Variants in GNS observed in about 807,000 individuals in gnomAD.
GNS encodes the protein N-acetylglucosamine-6-sulfatase.
GNS carries 40 observed loss-of-function variants against 69.7 expected under a neutral mutation model. The observed-to-expected ratio is 0.57, with a 90% CI of 0.45 to 0.75. GNS has a LOEUF of 0.75. Among genes scored for constraint, GNS ranks in the 30% least tolerant of loss-of-function variants. The pLI is 0.00. For missense variants in GNS, 565 were observed against 685.5 expected (o/e 0.82, Z 1.96); for synonymous variants, 243 against 251.6 (o/e 0.97, Z 0.32).
In GNS at chr12:64,722,028, CT is replaced by C. The variant is rs879925471; in HGVS notation, c.1309-324del. On this transcript the variant is annotated intron_variant, in intron 11 of 13. Transcript: ENST00000258145. ...AGAAATCAACTCAAATGACTCCTTT[CT>C]TTTTTTTTTTTTGCGATGGAGTTTT... 2.2e-3 allele frequency among the ~76,000 whole-genome samples: 319 copies of C among 142,868 alleles called. No individual in the cohort carries two copies. Among genetic ancestry groups the C allele is most frequent in the Non-Finnish European group, 2.0e-3 (129 of 64,818 alleles). 93.7% of individuals were successfully genotyped at this position (142,868 alleles called of 152,430 possible).
chr12:64,743,517 C>G (rs1341265436), intron 5 of GNS, among the ~76,000 whole-genome samples: 1 of 152,104 alleles, frequency 6.6e-6, no homozygotes, highest in African/African-American at 2.4e-5. Flanking sequence ...GAGAAGCATA[C>G]CAACATAAGA....
In GNS at chr12:64,758,309, C is replaced by CTTTTTT. The variant is rs139394351; in HGVS notation, c.192+770_192+775dup. ...CCTACCAGATTAGTTCACTTCAGGC[C>CTTTTTT]TTTTTTTTTTTTTTTTTTTTTTTTT... On this transcript the variant is annotated intron_variant, in intron 1 of 13. Coordinates refer to ENST00000258145, the MANE Select transcript of GNS (RefSeq NM_002076.4). Among the ~76,000 whole-genome samples the CTTTTTT allele has an allele frequency of 3.3e-4, 22 of 67,410 alleles. 2 individuals are homozygous for CTTTTTT. The highest frequency in any genetic ancestry group is 5.7e-4 in the Non-Finnish European group (21 of 36,616). 44.2% of individuals were successfully genotyped at this position (67,410 alleles called of 152,430 possible).
At chr12:64,727,442 C>G (rs533175222) in intron 10 of GNS, among the ~76,000 whole-genome samples, 1 of 152,092 alleles carries the variant, frequency 6.6e-6, no homozygotes, top group East Asian at 1.9e-4. Context: ...ATCTCAAAAA[C>G]AAACAAAACC....
intron 1 of GNS, among the ~76,000 whole-genome samples, chr12:64,758,309 CTTTTTTTTTTTTTTTTTTTTTTTTT>C (rs139394351): frequency 1.5e-5 from 1 of 67,368 alleles, no homozygotes; most frequent in Non-Finnish European, 2.7e-5. Context: ...CACTTCAGGC[CTTTTTTTTTTTTTTTTTTTTTTTTT>C]TTTTTTGGAG....
chr12:64,720,309 TG>T, intron 12 of GNS, 127 bp from the exon 13 acceptor site: 5 of 705,528 alleles, frequency 7.1e-6, no homozygotes, highest in Non-Finnish European at 1.0e-5. Context: ...ATCAAGGCCC[TG>T]GAGACTCTCA....
At chr12:64,743,382 T>G in intron 5 of GNS, 74 bp from the exon 6 acceptor site, 1 of 1,064,040 alleles carries the variant, frequency 9.4e-7, no homozygotes, top group South Asian at 1.3e-5. Context: ...TGTCTTCTGG[T>G]GAGCAGACAG....
At chr12:64,754,764 C>T (rs1386898018) in intron 1 of GNS, among the ~76,000 whole-genome samples, 1 of 151,882 alleles carries the variant, frequency 6.6e-6, no homozygotes, top group East Asian at 1.9e-4. Context: ...TAGTGCATGC[C>T]CGTAGTCCCA....
chr12:64,727,026 T>G (rs918339228), intron 10 of GNS, among the ~76,000 whole-genome samples: 1 of 151,634 alleles, frequency 6.6e-6, no homozygotes, highest in East Asian at 1.9e-4. Flanking sequence ...TAACCACCAA[T>G]AGTCAGCAGG....
chr12:64,734,890 C>G (rs1415069215), intron 9 of GNS, among the ~76,000 whole-genome samples: 2 of 152,172 alleles, frequency 1.3e-5, no homozygotes, highest in Non-Finnish European at 1.5e-5. Context: ...ATCATGAGGT[C>G]AGGAGATCTA....
chr12:64,737,309 A>T (rs559585451), intron 8 of GNS, among the ~76,000 whole-genome samples: 1 of 152,234 alleles, frequency 6.6e-6, no homozygotes, highest in Non-Finnish European at 1.5e-5. Flanking sequence ...TAAACAAATG[A>T]CTAGAAGGGA....
chr12:64,739,482 G>A lies in GNS; in HGVS notation c.893C>T (p.Ser298Leu). 1 of 1,596,182 alleles carries A rather than the reference G, an allele frequency of 6.3e-7. No homozygotes were observed. The highest frequency in any genetic ancestry group is 8.6e-7 in the Non-Finnish European group (1 of 1,165,284). ...CAGTTTCTCCACAAGGTCATCAACT[G>A]AGAGGAGAGTTTGCCACCTGGATGT... is the stretch of plus-strand genomic sequence containing the variant. ...AFRKRWQTLL[S>L]VDDLVEKLVK... Residue 298 changes from serine (S) to leucine (L), a missense_variant, in exon 8 of 14, where the codon TCA becomes TTA. Around this residue, in one of 2 missense-constraint regions of GNS, gnomAD observed 384 missense variants for 511.0 expected, o/e 0.75. Transcript: ENST00000258145.
chr12:64,745,976 C>A, intron 3 of GNS: 2 of 527,622 alleles, frequency 3.8e-6, no homozygotes, highest in Non-Finnish European at 6.8e-6. Flanking sequence ...AAGAATTTAA[C>A]AATTTTAAAA....
Position 64,759,300 on chromosome 12 carries a change from CCGGGA to C in GNS, c.-29_-25del, listed in dbSNP as rs559286032. The C allele has an allele frequency of 1.2e-5, 17 of 1,467,576 alleles. No homozygotes were observed. The highest frequency in any genetic ancestry group is 1.4e-5 in the Non-Finnish European group (16 of 1,105,532). The allele number at this position is 1,467,576 out of a possible 1,614,324, so 90.9% of individuals were successfully genotyped here. On this transcript the variant is annotated 5_prime_UTR_variant, in exon 1 of 14. Transcript: ENST00000258145. ...ATAGCGGACAGGCTCCGGGGTGACC[CCGGGA>C]CGGGACGGGACGGAGGGACGCACAG...
At chr12:64,731,231 G>T (rs1332378221) in intron 9 of GNS, among the ~76,000 whole-genome samples, 1 of 152,182 alleles carries the variant, frequency 6.6e-6, no homozygotes, top group Non-Finnish European at 1.5e-5. Flanking sequence ...TACACACCAT[G>T]ATGCCCAGCT....
chr12:64,736,685 T>C (rs905806642), intron 9 of GNS, among the ~76,000 whole-genome samples: 1 of 152,236 alleles, frequency 6.6e-6, no homozygotes, highest in Non-Finnish European at 1.5e-5. Flanking sequence ...ATTTTTCTTC[T>C]TCAGTTTCGG....
intron 11 of GNS, 58 bp from the exon 12 acceptor site, chr12:64,721,763 AG>A: frequency 1.1e-6 from 1 of 917,432 alleles, no homozygotes; most frequent in Non-Finnish European, 1.8e-6. Context: ...ACAAATACCT[AG>A]TTGCCTAGAA....
At chr12:64,755,967 A>G (rs1870239114) in intron 1 of GNS, among the ~76,000 whole-genome samples, 1 of 152,166 alleles carries the variant, frequency 6.6e-6, no homozygotes, top group African/African-American at 2.4e-5. Flanking sequence ...GCGCCCGGCC[A>G]TGAATTATTT....
rs200945342 is a variant in GNS at position 64,744,775 on chromosome 12, G to A, written c.624+34C>T. The A allele has an allele frequency of 9.1e-5, 87 of 951,272 alleles. No individual in the cohort carries two copies. The East Asian group carries it at 2.1e-3, about 23-fold the overall frequency. The allele number at this position is 951,272 out of a possible 1,614,324, so 58.9% of individuals were successfully genotyped here. ...CTTCAATCAAATGTGAGCCAACCCT[G>A]TAAGGACAGAGCTACAAAGCTTCTG... On this transcript the variant is annotated intron_variant, in intron 5 of 13. Coordinates refer to ENST00000258145, the MANE Select transcript of GNS (RefSeq NM_002076.4).
chr12:64,724,685 C>G (rs1030839913), intron 10 of GNS, among the ~76,000 whole-genome samples: 1 of 152,058 alleles, frequency 6.6e-6, no homozygotes, highest in African/African-American at 2.4e-5. Context: ...TGGTGAAACC[C>G]CGTCTCTACT....
Sources: allele counts gnomAD v4.1 joint callset (sites outside exome capture counted in the v4.1 genomes callset), GRCh38; gene constraint gnomAD v4.1.1; regional missense constraint gnomAD v4.1.1; transcripts MANE v1.5; gene names NCBI Gene and HGNC (gene_info 2026-07-23, HGNC 2026-07-21).